The following XKR6 variants were observed in gnomAD, a reference collection of about 807,000 sequenced individuals.
XKR6 encodes XK related 6.
XKR6 carries 22 observed loss-of-function variants against 56.7 expected under a neutral mutation model. That is an observed-to-expected ratio of 0.39 (90% confidence interval 0.28 to 0.55). The LOEUF (loss-of-function observed/expected upper bound fraction) is 0.55, where lower values mean the gene tolerates loss of function less well. Ranked by LOEUF, XKR6 falls within the 20% of genes least tolerant of loss-of-function variation. The pLI is 0.66. For missense variants in XKR6, 852 were observed against 889.0 expected (o/e 0.96, Z 0.53); for synonymous variants, 524 against 387.8 (o/e 1.35, Z -4.13).
At chr8:10,966,517 C>A (rs1802228489) in intron 1 of XKR6, among the ~76,000 whole-genome samples, 1 of 151,850 alleles carries the variant, frequency 6.6e-6, no homozygotes, top group African/African-American at 2.4e-5. Flanking sequence ...ACTAAAAATA[C>A]AAAAAAATTA....
Position 10,898,995 on chromosome 8 carries a change from G to A in XKR6, c.962-79C>T. 1 of 1,509,714 alleles carries A rather than the reference G, an allele frequency of 6.6e-7. No homozygotes were observed. The highest frequency in any genetic ancestry group is 8.8e-7 in the Non-Finnish European group (1 of 1,137,202). 93.5% of individuals were successfully genotyped at this position (1,509,714 alleles called of 1,614,324 possible). A position where few individuals can be genotyped will look rare whatever the true frequency, so the allele number is the denominator to read the frequency against. On this transcript the variant is annotated intron_variant, in intron 2 of 2. Transcript: ENST00000416569. The surrounding 1 kb of genome is among the most constrained non-coding windows in gnomAD (Gnocchi z 6.6). ...GCACAGTGAAGCTGCCGGCTGAGGA[G>A]ACGCCCACATACACCACGATCTAAA...
chr8:11,132,685 G>A (rs757244023), intron 1 of XKR6, among the ~76,000 whole-genome samples: 24 of 151,746 alleles, frequency 1.6e-4, no homozygotes, highest in Admixed American at 1.3e-3. Context: ...AAAGTTCTAT[G>A]TCATACCTGG....
intron 1 of XKR6, among the ~76,000 whole-genome samples, chr8:10,933,772 C>A (rs1325451737): frequency 5.8e-4 from 87 of 149,786 alleles, no homozygotes; most frequent in African/African-American, 2.1e-3. Context: ...TGTTTTGGTA[C>A]CAGTACCATG....
chr8:11,070,324 G>T (rs951479839), intron 1 of XKR6, among the ~76,000 whole-genome samples: 1 of 152,222 alleles, frequency 6.6e-6, no homozygotes, highest in African/African-American at 2.4e-5. Context: ...AGCTGGGTTT[G>T]TAGCAGTACA....
intron 1 of XKR6, chr8:11,105,836 AACATTTTCAT>A (rs1434084046): frequency 6.6e-6 from 1 of 152,250 alleles, no homozygotes; most frequent in Non-Finnish European, 1.5e-5. Flanking sequence ...CCCTGTTTAC[AACATTTTCAT>A]ACATGGAACA....
intron 1 of XKR6, among the ~76,000 whole-genome samples, chr8:10,976,098 C>A (rs554588641): frequency 6.6e-6 from 1 of 152,188 alleles, no homozygotes; most frequent in Non-Finnish European, 1.5e-5. Context: ...ATGGCATGAA[C>A]CCGGGAGGTG....
At chr8:10,950,233 T>C (rs987372718) in intron 1 of XKR6, among the ~76,000 whole-genome samples, 4 of 152,124 alleles carry the variant, frequency 2.6e-5, no homozygotes. Flanking sequence ...ACCTGGCCAA[T>C]GGATAGTGCA....
At chr8:11,013,788 A>G (rs1798552579) in intron 1 of XKR6, among the ~76,000 whole-genome samples, 1 of 152,176 alleles carries the variant, frequency 6.6e-6, no homozygotes, top group Admixed American at 6.5e-5. Context: ...GTCAAAACCT[A>G]CTTCAGCAGG....
chr8:10,977,189 T>C (rs1035085629), intron 1 of XKR6, among the ~76,000 whole-genome samples: 16 of 152,036 alleles, frequency 1.1e-4, no homozygotes, highest in Non-Finnish European at 8.8e-5. Flanking sequence ...ACTGCAGAGG[T>C]TGTCCAGGCC....
chr8:10,988,588 G>A (rs1441347088), intron 1 of XKR6, among the ~76,000 whole-genome samples: 14 of 152,168 alleles, frequency 9.2e-5, no homozygotes, highest in Admixed American at 9.2e-4. Context: ...AGAAACGAGA[G>A]CTACTGAGGA....
At chr8:10,969,592 C>G (rs1802339370) in intron 1 of XKR6, among the ~76,000 whole-genome samples, 1 of 152,192 alleles carries the variant, frequency 6.6e-6, no homozygotes, top group South Asian at 2.1e-4. Context: ...CAAAGGAAGA[C>G]CTAAAACAGA....
At chr8:10,903,850 G>A (rs528577630) in intron 2 of XKR6, among the ~76,000 whole-genome samples, 2 of 152,280 alleles carry the variant, frequency 1.3e-5, no homozygotes, top group East Asian at 1.9e-4. Flanking sequence ...CACAGCCACC[G>A]CCGAGTGATT....
At chr8:11,105,018 C>T (rs1798624964) in intron 1 of XKR6, 1 of 152,172 alleles carries the variant, frequency 6.6e-6, no homozygotes, top group Admixed American at 6.5e-5. Flanking sequence ...AAAACAATGT[C>T]TCCCATCACA....
chr8:10,960,765 C>G (rs536207443), intron 1 of XKR6, among the ~76,000 whole-genome samples: 1 of 152,196 alleles, frequency 6.6e-6, no homozygotes, highest in African/African-American at 2.4e-5. Context: ...CCCTCTCACT[C>G]CCTCATCTAA....
chr8:11,099,343 G>A (rs1798381138), intron 1 of XKR6, among the ~76,000 whole-genome samples: 1 of 152,206 alleles, frequency 6.6e-6, no homozygotes, highest in East Asian at 1.9e-4. Flanking sequence ...CTGTTAAATG[G>A]CTGAATCTAC....
At chr8:11,046,506 T>C (rs936268176) in intron 1 of XKR6, among the ~76,000 whole-genome samples, 1 of 152,202 alleles carries the variant, frequency 6.6e-6, no homozygotes, top group South Asian at 2.1e-4. Context: ...CTAGCAACAT[T>C]ATTCACAGTA....
rs1804242024 is a variant in XKR6, at chr8:11,201,444, G to T, written c.-105C>A. ...GGGGAAACGAATGGAGAGGAAGGGG[G>T]GCGGGGAGGAAGCGGGGGAGCAAAC... On this transcript the variant is annotated 5_prime_UTR_variant, in exon 1 of 3. Transcript: ENST00000416569. 1 of 488,528 alleles carries T rather than the reference G, an allele frequency of 2.0e-6. No homozygotes were observed. The highest frequency in any genetic ancestry group is 2.2e-5 in the South Asian group (1 of 44,900). The allele number at this position is 488,528 out of a possible 1,614,324, so 30.3% of individuals were successfully genotyped here. A position where few individuals can be genotyped will look rare whatever the true frequency, so the allele number is the denominator to read the frequency against.
chr8:10,897,898 C>A lies in XKR6; in HGVS notation c.*54G>T. ...GGGAGGGTTATATTTCTTGCAAGTG[C>A]TGTTTGCCGCAAACCAAACTTAAGG... is the stretch of plus-strand genomic sequence containing the variant. On this transcript the variant is annotated 3_prime_UTR_variant, in exon 3 of 3. Coordinates refer to ENST00000416569, the MANE Select transcript of XKR6 (RefSeq NM_173683.4). 6.6e-7 allele frequency: 1 copy of A among 1,515,006 alleles called. No individual in the cohort carries two copies. The allele number at this position is 1,515,006 out of a possible 1,614,324, so 93.8% of individuals were successfully genotyped here. A position where few individuals can be genotyped will look rare whatever the true frequency, so the allele number is the denominator to read the frequency against.
intron 1 of XKR6, among the ~76,000 whole-genome samples, chr8:10,942,634 G>A (rs760877790): frequency 2.0e-5 from 3 of 152,222 alleles, no homozygotes; most frequent in Admixed American, 6.5e-5. Flanking sequence ...TAAGCACTAT[G>A]TGAGCAGATC....
Sources: allele counts gnomAD v4.1 joint callset (sites outside exome capture counted in the v4.1 genomes callset), GRCh38; gene constraint gnomAD v4.1.1; non-coding constraint Gnocchi (gnomAD v3.1); transcripts MANE v1.5; gene names NCBI Gene and HGNC (gene_info 2026-07-23, HGNC 2026-07-21).